MAP3K2: variants seen among roughly 807,000 people sequenced by gnomAD.
MAP3K2 encodes the protein MAP/ERK kinase kinase 2.
A neutral mutation model predicts 80.3 loss-of-function variants in MAP3K2; 24 were observed. The observed-to-expected ratio is 0.30, with a 90% CI of 0.22 to 0.42. MAP3K2 has a LOEUF of 0.42. MAP3K2 is among the 10% of genes least tolerant of loss of function. The pLI is 1.00. For missense variants in MAP3K2, 608 were observed against 750.1 expected, an observed-to-expected ratio of 0.81 and a Z score of 2.21; for synonymous variants, 244 against 253.7, an observed-to-expected ratio of 0.96 and a Z score of 0.36.
rs1442308148 is a variant in MAP3K2, at chr2:127,339,027, T to C, written c.28A>G (p.Ile10Val). Residue 10 changes from isoleucine to valine, a missense_variant, in exon 3 of 17, where the codon ATC (isoleucine) becomes GTC (valine). By Grantham distance (29) the Ile-to-Val change is conservative. Coordinates refer to ENST00000682094, the MANE Select transcript of MAP3K2 (RefSeq NM_001371910.2). This position sits in a 1 kb window ranked among gnomAD's most constrained non-coding sequence, Gnocchi z 4.2. MDDQQALNS[I>V]MQDLAVLHKA... is the part of the protein sequence containing the mutation. ...TGAAGGACAGCCAAATCTTGCATGATTGAGTTCAAAGCTTGCTGATCATCT... is the reference window on the plus strand; with the variant it reads ...TGAAGGACAGCCAAATCTTGCATGACTGAGTTCAAAGCTTGCTGATCATCT... 3 of 1,611,720 alleles carry C rather than the reference T, an allele frequency of 1.9e-6. No homozygotes were observed. The highest frequency in any genetic ancestry group is 2.2e-5 in the East Asian group (1 of 44,824).
intron 14 of MAP3K2, among the ~76,000 whole-genome samples, chr2:127,316,704 G>A (rs1244445693): frequency 2.0e-5 from 3 of 152,130 alleles, no homozygotes; most frequent in Non-Finnish European, 4.4e-5. Context: ...TCTTTGCATT[G>A]CTACAGTGGA....
intron 1 of MAP3K2, among the ~76,000 whole-genome samples, chr2:127,372,665 C>A (rs1387133995): frequency 6.6e-6 from 1 of 152,142 alleles, no homozygotes; most frequent in Non-Finnish European, 1.5e-5. Flanking sequence ...ATGGGGGGGT[C>A]ACTCTGCAGA....
intron 1 of MAP3K2, among the ~76,000 whole-genome samples, chr2:127,351,958 C>T (rs990542632): frequency 1.3e-5 from 2 of 151,870 alleles, no homozygotes; most frequent in Non-Finnish European, 2.9e-5. Context: ...CTCGCTGCAG[C>T]CTTGACCTCT....
At chr2:127,356,777 G>A (rs1005892172) in intron 1 of MAP3K2, among the ~76,000 whole-genome samples, 1 of 152,138 alleles carries the variant, frequency 6.6e-6, no homozygotes, top group Non-Finnish European at 1.5e-5. Flanking sequence ...ATGAAATTAC[G>A]AAAAGAAAAC....
rs1398811214 is a variant in MAP3K2, at chr2:127,305,067, G to C, written c.*2512C>G. On this transcript the variant is annotated 3_prime_UTR_variant, in exon 17 of 17. Coordinates refer to ENST00000682094, the MANE Select transcript of MAP3K2 (RefSeq NM_001371910.2). ...TTTATTTTCTATAGCATTTAGAAAAGAAAACAGAGACTGAAAAAAAAACAG... is the reference window on the plus strand; with the variant it reads ...TTTATTTTCTATAGCATTTAGAAAACAAAACAGAGACTGAAAAAAAAACAG... 1 of 151,782 alleles carries C rather than the reference G, an allele frequency of 6.6e-6. No homozygotes were observed. Among genetic ancestry groups the C allele is most frequent in the Non-Finnish European group, 1.5e-5 (1 of 67,830 alleles). 9.4% of individuals were successfully genotyped at this position (151,782 alleles called of 1,614,324 possible).
intron 5 of MAP3K2, among the ~76,000 whole-genome samples, chr2:127,333,281 C>CAA (rs1266248106): frequency 1.3e-5 from 2 of 148,976 alleles, no homozygotes; most frequent in Non-Finnish European, 3.0e-5. Flanking sequence ...CCTCATAACA[C>CAA]ACACACACAC....
intron 1 of MAP3K2, among the ~76,000 whole-genome samples, chr2:127,360,930 G>A (rs1269279128): frequency 1.3e-5 from 2 of 152,132 alleles, no homozygotes; most frequent in African/African-American, 4.8e-5. Context: ...CAGGTAAAAG[G>A]AAGAGAGGAG....
At chr2:127,314,634 GTT>G in intron 15 of MAP3K2, 118 bp downstream of exon 15, 1 of 791,692 alleles carries the variant, frequency 1.3e-6, no homozygotes, top group African/African-American at 1.7e-5. Flanking sequence ...CAAGAGAACT[GTT>G]TCCCTGTAGT....
intron 12 of MAP3K2, among the ~76,000 whole-genome samples, chr2:127,320,528 C>A (rs1685997102): frequency 6.6e-6 from 1 of 151,464 alleles, no homozygotes; most frequent in South Asian, 2.1e-4. Context: ...AATAGGAATC[C>A]CAAAAGAAAA....
At chr2:127,379,027 G>C (rs1232027729) in intron 1 of MAP3K2, among the ~76,000 whole-genome samples, 3 of 92,520 alleles carry the variant, frequency 3.2e-5, no homozygotes, top group African/African-American at 1.3e-4. Flanking sequence ...TCCTCATGTT[G>C]CCTAGGCTGG....
chr2:127,374,861 A>G (rs1687122883), intron 1 of MAP3K2, among the ~76,000 whole-genome samples: 1 of 152,230 alleles, frequency 6.6e-6, no homozygotes, highest in African/African-American at 2.4e-5. Flanking sequence ...GGCATCCCGT[A>G]TAACTCCCAA....
rs1444773405 is a variant in MAP3K2, at chr2:127,324,210, C to G, written c.709G>C (p.Ala237Pro). Residue 237 changes from alanine to proline, a missense_variant, in exon 10 of 17, where the codon GCT becomes CCT. Ala to Pro is a conservative substitution (Grantham distance 27). Coordinates refer to ENST00000682094, the MANE Select transcript of MAP3K2 (RefSeq NM_001371910.2). ...ESYPKSRMPR[A>P]QSYPDNHQEF... ...TGATGATTATCTGGGTAGCTCTGAG[C>G]CCTAGGCATTCGTGATTTTGGATAG... 1 of 1,565,322 alleles carries G rather than the reference C, an allele frequency of 6.4e-7. No homozygotes were observed. The highest frequency in any genetic ancestry group is 8.6e-7 in the Non-Finnish European group (1 of 1,156,086).
intron 1 of MAP3K2, among the ~76,000 whole-genome samples, chr2:127,365,045 A>G (rs559710541): frequency 7.3e-6 from 1 of 136,742 alleles, no homozygotes; most frequent in Admixed American, 8.0e-5. Context: ...TGAGCCCAGG[A>G]GGCAGAGGTT....
At chr2:127,360,013 G>A (rs1297660564) in intron 1 of MAP3K2, among the ~76,000 whole-genome samples, 3 of 152,054 alleles carry the variant, frequency 2.0e-5, no homozygotes, top group Non-Finnish European at 2.9e-5. Context: ...CAATGCCTAC[G>A]TATTTACTCA....
intron 2 of MAP3K2, among the ~76,000 whole-genome samples, chr2:127,340,060 T>C (rs1457985245): frequency 6.6e-6 from 1 of 152,226 alleles, no homozygotes; most frequent in African/African-American, 2.4e-5. Flanking sequence ...TCTAATTTAC[T>C]AATTTTTAAT....
intron 1 of MAP3K2, among the ~76,000 whole-genome samples, chr2:127,344,024 G>A (rs1384967207): frequency 6.6e-6 from 1 of 151,860 alleles, no homozygotes; most frequent in East Asian, 1.9e-4. Flanking sequence ...AAAAAAAAGT[G>A]TTTGTATACC....
chr2:127,319,457 A>T (rs919322362), intron 12 of MAP3K2, among the ~76,000 whole-genome samples: 1 of 151,836 alleles, frequency 6.6e-6, no homozygotes, highest in Non-Finnish European at 1.5e-5. Context: ...CAATCCACTT[A>T]CTGAGAGCAT....
intron 1 of MAP3K2, among the ~76,000 whole-genome samples, chr2:127,367,318 G>T (rs1686989490): frequency 6.6e-6 from 1 of 152,018 alleles, no homozygotes; most frequent in South Asian, 2.1e-4. Context: ...TCTGACATAT[G>T]TATATTATAC....
Position 127,306,743 on chromosome 2 carries a change from C to T in MAP3K2, c.*836G>A, listed in dbSNP as rs1685707296. ...AATTTTTTTTCATTATTTCTATTGA[C>T]TGTAAATGTGGTCTCTTCTACTGCT... On this transcript the variant is annotated 3_prime_UTR_variant, in exon 17 of 17. Coordinates refer to ENST00000682094, the MANE Select transcript of MAP3K2 (RefSeq NM_001371910.2). This position sits in a 1 kb window ranked among gnomAD's most constrained non-coding sequence, Gnocchi z 4.7. 1 of 152,110 alleles carries T rather than the reference C, an allele frequency of 6.6e-6. No individual in the cohort carries two copies. The allele number at this position is 152,110 out of a possible 1,614,324, so 9.4% of individuals were successfully genotyped here. A position where few individuals can be genotyped will look rare whatever the true frequency, so the allele number is the denominator to read the frequency against.
Sources: gnomAD v4.1 joint callset for allele counts (sites outside exome capture counted in the v4.1 genomes callset) on GRCh38, gnomAD v4.1.1 for gene constraint, Gnocchi (gnomAD v3.1) non-coding constraint, MANE v1.5 for transcripts, NCBI Gene and HGNC (gene_info 2026-07-23, HGNC 2026-07-21) for gene names.